The following SHBG variants were observed in gnomAD, a reference collection of about 807,000 sequenced individuals.
The protein encoded by SHBG is sex hormone-binding globulin.
In SHBG, 37 loss-of-function variants were observed where a neutral mutation model predicts 41.9. The observed-to-expected ratio is 0.88, with a 90% CI of 0.68 to 1.16. SHBG has a LOEUF of 1.16. Ranked by LOEUF, SHBG falls within the 50% of genes most tolerant of loss-of-function variation. SHBG has a pLI of 0.00. For missense variants in SHBG, 466 were observed against 499.9 expected (o/e 0.93, Z 0.65); for synonymous variants, 217 against 205.8 (o/e 1.05, Z -0.47).
At chr17:7,619,390 C>CAAA (rs113765992) in intron 1 of SHBG, among the ~76,000 whole-genome samples, 1 of 129,632 alleles carries the variant, frequency 7.7e-6, no homozygotes, top group Non-Finnish European at 1.6e-5. Flanking sequence ...AACTCCATCT[C>CAAA]AAAAAAAAAA....
upstream of SHBG, chr17:7,627,857 G>T: frequency 1.5e-6 from 1 of 654,612 alleles, no homozygotes; most frequent in Non-Finnish European, 2.8e-6. This position sits in a 1 kb window ranked among gnomAD's most constrained non-coding sequence, Gnocchi z 4.8. Context: ...TCCGGGCATA[G>T]CCCCACCCCC....
chr17:7,626,098 G>A (rs887037562), upstream of SHBG: 4 of 185,544 alleles, frequency 2.2e-5, no homozygotes, highest in South Asian at 2.1e-4. Flanking sequence ...GGAGGCTGAG[G>A]CAGGATAATT....
At position 7,632,742 on chromosome 17, in the gene SHBG, C is replaced by A; in HGVS notation, c.853-10C>A. On this transcript the variant is annotated splice_polypyrimidine_tract_variant and intron_variant, in intron 6 of 7. Transcript: ENST00000380450. ...CTCTCTCTACCGTCCCTTTCCCACA[C>A]ACTCTGCAGAAGGTGGTGTTGTCTT... 3 of 1,609,338 alleles carry A rather than the reference C, an allele frequency of 1.9e-6. No homozygotes were observed. The highest frequency in any genetic ancestry group is 1.3e-5 in the African/African-American group (1 of 74,948).
At chr17:7,632,463 G>A (rs561474689) in intron 6 of SHBG, among the ~76,000 whole-genome samples, 14 of 152,086 alleles carry the variant, frequency 9.2e-5, no homozygotes, top group African/African-American at 3.4e-4. Flanking sequence ...ATAAAAATAA[G>A]GCTTATGGAT....
chr17:7,628,506 G>C (rs1412272987), upstream of SHBG, among the ~76,000 whole-genome samples: 2 of 151,906 alleles, frequency 1.3e-5, no homozygotes, highest in African/African-American at 4.8e-5. Context: ...GAGTGCAGTG[G>C]CGCGATCTCG....
rs528701583 is a variant in SHBG at position 7,631,319 on chromosome 17, G to T, written c.513G>T (p.Ala171=). 7 of 1,613,838 alleles carry T rather than the reference G, an allele frequency of 4.3e-6. No individual in the cohort carries two copies. The Admixed American group carries it at 8.3e-5, about 19-fold the overall frequency. The change falls in exon 4 of 8, where the codon GCG becomes GCT. Residue 171 remains alanine (A), a synonymous_variant. Transcript: ENST00000380450. ...TSKRHPIMRI[A]LGGLLFPASN... is the part of the protein sequence containing the mutation. ...AACGCCATCCCATCATGAGGATTGC[G>T]CTTGGGGGGCTGCTCTTCCCCGCTT...
upstream of SHBG, chr17:7,627,721 G>T: frequency 2.0e-6 from 3 of 1,466,570 alleles, no homozygotes; most frequent in Non-Finnish European, 2.9e-6. This position sits in a 1 kb window ranked among gnomAD's most constrained non-coding sequence, Gnocchi z 4.8. Flanking sequence ...CTTGGATCCT[G>T]AAGAGCCTGA....
intron 3 of SHBG, 140 bp downstream of exon 3, chr17:7,631,009 C>A: frequency 1.0e-6 from 1 of 979,984 alleles, no homozygotes; most frequent in Non-Finnish European, 1.5e-6. Flanking sequence ...CTATTCTTGG[C>A]CCCATCTTTT....
upstream of SHBG, among the ~76,000 whole-genome samples, chr17:7,623,179 G>C (rs950016791): frequency 1.3e-5 from 2 of 152,150 alleles, no homozygotes; most frequent in African/African-American, 2.4e-5. Context: ...GATCACCTGA[G>C]GTCAGAATTG....
At chr17:7,627,349 C>T (rs1243051320), upstream of SHBG, 3 of 1,613,970 alleles carry the variant, frequency 1.9e-6, no homozygotes, top group African/African-American at 2.7e-5. This position sits in a 1 kb window ranked among gnomAD's most constrained non-coding sequence, Gnocchi z 4.8. Flanking sequence ...AGAACCTGGG[C>T]GCTGAGCCCC....
At chr17:7,615,253 G>A (rs533791955) in intron 1 of SHBG, among the ~76,000 whole-genome samples, 1 of 152,184 alleles carries the variant, frequency 6.6e-6, no homozygotes, top group Non-Finnish European at 1.5e-5. Context: ...GCCCCACCGG[G>A]CTTGGACAAG....
chr17:7,632,436 G>A (rs1450090529), intron 6 of SHBG, among the ~76,000 whole-genome samples: 5 of 152,076 alleles, frequency 3.3e-5, no homozygotes, highest in Non-Finnish European at 7.4e-5. Context: ...GTGAGACCCT[G>A]TCTCAAAAAA....
chr17:7,629,497 G>A (rs1943400362), upstream of SHBG, among the ~76,000 whole-genome samples: 1 of 152,138 alleles, frequency 6.6e-6, no homozygotes, highest in Admixed American at 6.6e-5. Flanking sequence ...CTGAGAGGCG[G>A]GGGGCAGGTC....
At chr17:7,614,390 T>C in intron 1 of SHBG, 1 of 1,249,226 alleles carries the variant, frequency 8.0e-7, no homozygotes, top group Non-Finnish European at 1.1e-6. Context: ...GCCCCACGCG[T>C]TCCTGCTCCG....
upstream of SHBG, chr17:7,626,542 A>G: frequency 1.2e-6 from 2 of 1,614,186 alleles, no homozygotes; most frequent in Non-Finnish European, 1.7e-6. Context: ...AGGGCCTTGT[A>G]CAAGTCCATG....
At chr17:7,624,872 C>T (rs962734911), upstream of SHBG, among the ~76,000 whole-genome samples, 3 of 149,218 alleles carry the variant, frequency 2.0e-5, no homozygotes, top group Non-Finnish European at 1.5e-5. Flanking sequence ...GGCCAGGCTG[C>T]TCTTGAACTC....
upstream of SHBG, among the ~76,000 whole-genome samples, chr17:7,625,346 G>A (rs2072176510): frequency 6.7e-6 from 1 of 149,156 alleles, no homozygotes; most frequent in African/African-American, 2.5e-5. Context: ...TGGGAGGCAA[G>A]GTGGGTGGAT....
chr17:7,632,146 T>C (rs2072439194), intron 6 of SHBG, 131 bp downstream of exon 6: 1 of 1,002,978 alleles, frequency 1.0e-6, no homozygotes. Context: ...CTCCACAGAA[T>C]TGTTTTTCAT....
intron 1 of SHBG, chr17:7,614,597 C>T: frequency 9.5e-7 from 1 of 1,052,508 alleles, no homozygotes; most frequent in Non-Finnish European, 1.2e-6. Flanking sequence ...GCGGGCCGGG[C>T]CAGGCCCCCG....
Sources: gnomAD v4.1 joint callset for allele counts (sites outside exome capture counted in the v4.1 genomes callset) on GRCh38, gnomAD v4.1.1 for gene constraint, Gnocchi (gnomAD v3.1) non-coding constraint, MANE v1.5 for transcripts, NCBI Gene and HGNC (gene_info 2026-07-23, HGNC 2026-07-21) for gene names.